The following CTNNA2 variants were observed in gnomAD, a reference collection of about 807,000 sequenced individuals.
CTNNA2 encodes catenin alpha-2.
A neutral mutation model predicts 101.0 loss-of-function variants in CTNNA2; 42 were observed. The ratio of observed to expected loss-of-function variants is 0.42; its 90% CI spans 0.32 to 0.54. The LOEUF (loss-of-function observed/expected upper bound fraction) is 0.54, where lower values mean the gene tolerates loss of function less well. CTNNA2 is among the 20% of genes least tolerant of loss of function. CTNNA2 has a pLI of 0.14. For synonymous variants in CTNNA2, 450 were observed against 456.4 expected (o/e 0.99, Z 0.18); for missense variants, 871 against 1,223.1 (o/e 0.71, Z 4.29).
chr2:80,526,521 T>C (rs1014663353), intron 9 of CTNNA2, among the ~76,000 whole-genome samples: 5 of 152,086 alleles, frequency 3.3e-5, no homozygotes, highest in South Asian at 4.2e-4. Flanking sequence ...TTAGTAGAGA[T>C]GGGGTTTCAC....
At chr2:79,946,860 A>C (rs991246500) in intron 7 of CTNNA2, among the ~76,000 whole-genome samples, 1 of 152,222 alleles carries the variant, frequency 6.6e-6, no homozygotes, top group East Asian at 1.9e-4. Context: ...GTTGTTCTGC[A>C]AAAGCACCAA....
At chr2:80,202,384 TAGA>T (rs1707263083) in intron 7 of CTNNA2, among the ~76,000 whole-genome samples, 1 of 152,096 alleles carries the variant, frequency 6.6e-6, no homozygotes, top group South Asian at 2.1e-4. Flanking sequence ...CCATACAGAT[TAGA>T]AGAAGATTCA....
upstream of CTNNA2, among the ~76,000 whole-genome samples, chr2:79,508,629 G>A (rs895139749): frequency 1.3e-5 from 2 of 152,072 alleles, no homozygotes. Flanking sequence ...TTGACTCATT[G>A]ATATTAGAAG....
intron 7 of CTNNA2, among the ~76,000 whole-genome samples, chr2:80,194,746 A>T (rs890978998): frequency 3.3e-5 from 5 of 149,676 alleles, no homozygotes; most frequent in Admixed American, 1.3e-4. Flanking sequence ...TATTAATTAT[A>T]TAAATTAATT....
chr2:80,429,216 C>A (rs1681262453), intron 9 of CTNNA2, among the ~76,000 whole-genome samples: 1 of 152,088 alleles, frequency 6.6e-6, no homozygotes, highest in Non-Finnish European at 1.5e-5. Context: ...CAAGGCCCCC[C>A]CTTAGACTCT....
intron 3 of CTNNA2, among the ~76,000 whole-genome samples, chr2:79,360,659 G>A (rs562217381): frequency 1.2e-4 from 19 of 152,300 alleles, no homozygotes; most frequent in African/African-American, 4.6e-4. Flanking sequence ...TTAAGGGTAT[G>A]GATAAGGCCT....
intron 4 of CTNNA2, among the ~76,000 whole-genome samples, chr2:79,437,340 C>A (rs550202486): frequency 1.3e-5 from 2 of 152,246 alleles, no homozygotes; most frequent in East Asian, 3.9e-4. Context: ...AACTGGAAAT[C>A]TTGTCAAAAT....
rs531527340 is a variant in CTNNA2, at chr2:80,296,627, C to T, written c.1057-96584C>T. ...ATCTAAAACTAACTCAGAAGTAAGA[C>T]CATTCCTTGTAAAGCTGAAGCACAG... On this transcript the variant is annotated intron_variant, in intron 7 of 18. Transcript: ENST00000402739. Among the ~76,000 whole-genome samples, 12 of 152,302 alleles carry T rather than the reference C, an allele frequency of 7.9e-5. No individual in the cohort carries two copies. In the East Asian group the frequency reaches 1.5e-3, roughly 20 times the overall value.
rs138722524 is a variant in CTNNA2 at position 79,479,159 on chromosome 2, G to T, written c.-134-25895G>T. 1.7e-3 allele frequency among the ~76,000 whole-genome samples: 265 copies of T among 152,244 alleles called. 1 individual carries two copies. The highest frequency in any genetic ancestry group is 6.2e-3 in the African/African-American group (256 of 41,548). On this transcript the variant is annotated intron_variant, in intron 4 of 21. Transcript: ENST00000466387. ...CTGAAGTTCACTGAGAAAACTCAAT[G>T]CATTTAAAATTATGAAAGTTAGCTA...
At chr2:80,132,695 A>G (rs1243478146) in intron 7 of CTNNA2, among the ~76,000 whole-genome samples, 1 of 152,208 alleles carries the variant, frequency 6.6e-6, no homozygotes, top group Non-Finnish European at 1.5e-5. Flanking sequence ...TGTGAGTAAA[A>G]CTAAAATTAG....
chr2:79,456,125 T>C, intron 4 of CTNNA2, among the ~76,000 whole-genome samples: 1 of 150,970 alleles, frequency 6.6e-6, no homozygotes, highest in East Asian at 1.9e-4. Flanking sequence ...TTCAAATTAG[T>C]TTAAATTATA....
At chr2:80,221,889 C>T (rs1357145289) in intron 7 of CTNNA2, among the ~76,000 whole-genome samples, 1 of 152,176 alleles carries the variant, frequency 6.6e-6, no homozygotes, top group Non-Finnish European at 1.5e-5. Context: ...TTTAATCATG[C>T]AGGTTTAATT....
At chr2:79,286,274 T>A (rs2104357513) in intron 2 of CTNNA2, among the ~76,000 whole-genome samples, 1 of 152,326 alleles carries the variant, frequency 6.6e-6, no homozygotes, top group East Asian at 1.9e-4. Context: ...AATATTGTTA[T>A]GTGTGAATTT....
chr2:79,279,143 T>C (rs1392535712), intron 2 of CTNNA2, among the ~76,000 whole-genome samples: 1 of 152,130 alleles, frequency 6.6e-6, no homozygotes, highest in African/African-American at 2.4e-5. Context: ...CTTTCAGCTT[T>C]TATTTTCTTT....
At chr2:79,342,181 A>G (rs553450259) in intron 3 of CTNNA2, among the ~76,000 whole-genome samples, 6 of 152,366 alleles carry the variant, frequency 3.9e-5, no homozygotes, top group African/African-American at 9.6e-5. Flanking sequence ...ACATGGGAAC[A>G]TAAAGCTGAG....
At chr2:79,348,889 A>G (rs922531997) in intron 3 of CTNNA2, among the ~76,000 whole-genome samples, 3 of 152,160 alleles carry the variant, frequency 2.0e-5, no homozygotes, top group Non-Finnish European at 4.4e-5. Context: ...TTAAATACAA[A>G]GCAGTTCATT....
At position 80,426,157 on chromosome 2, in the gene CTNNA2, C is replaced by T. The variant is rs1899901; in HGVS notation, c.1290+6556C>T. On this transcript the variant is annotated intron_variant, in intron 9 of 18. Transcript: ENST00000402739. The stretch of plus-strand genomic sequence containing the variant: ...TTAGCTAAGGACTTCAGGGTGGGGC[C>T]GACCCTGAGGGTATGCCGAGCTGAT... 5.3e-5 allele frequency among the ~76,000 whole-genome samples: 8 copies of T among 151,850 alleles called. No homozygotes were observed. In the East Asian group the frequency reaches 5.8e-4, roughly 11 times the overall value.
At chr2:80,645,083 T>C (rs1673922468) in intron 18 of CTNNA2, among the ~76,000 whole-genome samples, 1 of 152,188 alleles carries the variant, frequency 6.6e-6, no homozygotes, top group Admixed American at 6.5e-5. Flanking sequence ...AGCAATATCA[T>C]CTTGTTCTAT....
intron 7 of CTNNA2, among the ~76,000 whole-genome samples, chr2:80,174,442 C>G (rs1257238777): frequency 3.3e-5 from 5 of 152,136 alleles, no homozygotes; most frequent in Admixed American, 2.0e-4. Context: ...GGCTACCTTC[C>G]TTGGGCTGTT....
Sources: gnomAD v4.1 joint callset for allele counts (sites outside exome capture counted in the v4.1 genomes callset) on GRCh38, gnomAD v4.1.1 for gene constraint, MANE v1.5 for transcripts, NCBI Gene and HGNC (gene_info 2026-07-23, HGNC 2026-07-21) for gene names.